The following USH2A variants were observed in gnomAD, a reference collection of about 807,000 sequenced individuals.
The protein encoded by USH2A is Usher syndrome 2A (autosomal recessive, mild).
USH2A carries 443 observed loss-of-function variants against 538.9 expected under a neutral mutation model. The ratio of observed to expected loss-of-function variants is 0.82; its 90% CI spans 0.76 to 0.89. USH2A has a LOEUF of 0.89. Among genes scored for constraint, USH2A ranks in the 40% least tolerant of loss-of-function variants. The probability of loss-of-function intolerance (pLI) is 0.00; values close to 1 mark genes in which losing one functional copy is unlikely to be tolerated. For synonymous variants in USH2A, 2,413 were observed against 2,273.5 expected (o/e 1.06, Z -1.75); for missense variants, 6,633 against 6,324.8 (o/e 1.05, Z -1.65).
In USH2A at chr1:216,324,291, T is replaced by C. The variant is rs768097637; in HGVS notation, c.1205A>G (p.Lys402Arg). The C allele has an allele frequency of 2.3e-5, 37 of 1,613,054 alleles. No individual in the cohort carries two copies. The highest frequency in any genetic ancestry group is 2.5e-6 in the Non-Finnish European group (3 of 1,179,558). The change falls in exon 7 of 72, where the codon AAG becomes AGG. Residue 402 changes from lysine (K) to arginine (R), a missense_variant. Lys to Arg is a conservative substitution (Grantham distance 26). Transcript: ENST00000307340. ...CTCCCAATCTAAACTATTTTCCTTC[T>C]TCCTTTGAATCCTTATTTCCGTTGG... Reference protein sequence around the residue: ...PQPTEIRIQRKKENSLDWEDW... With the variant: ...PQPTEIRIQRRKENSLDWEDW...
At chr1:216,090,430 G>GT (rs2032269203) in intron 22 of USH2A, among the ~76,000 whole-genome samples, 1 of 111,278 alleles carries the variant, frequency 9.0e-6, no homozygotes, top group African/African-American at 3.6e-5. Flanking sequence ...TGTTACCAAA[G>GT]TAAAAAAAAA....
chr1:215,635,541 T>TTATG (rs1414987567), intron 69 of USH2A, among the ~76,000 whole-genome samples: 1 of 149,100 alleles, frequency 6.7e-6, no homozygotes, highest in African/African-American at 2.5e-5. Flanking sequence ...TTTTATTTAT[T>TTATG]TATTTATTTA....
chr1:215,957,005 C>T (rs1452754453), intron 37 of USH2A, among the ~76,000 whole-genome samples: 1 of 152,054 alleles, frequency 6.6e-6, no homozygotes, highest in Non-Finnish European at 1.5e-5. Context: ...ACAATATGGC[C>T]ATAATTTGTA....
intron 50 of USH2A, 74 bp downstream of exon 50, chr1:215,798,833 T>G: frequency 6.4e-7 from 1 of 1,564,210 alleles, no homozygotes; most frequent in South Asian, 1.1e-5. Flanking sequence ...TTTGTTTTAT[T>G]TCTAGGGCAA....
At chr1:215,973,656 C>CTTTTTTTTTTTTTTTT (rs750306238) in intron 35 of USH2A, among the ~76,000 whole-genome samples, 14 of 130,956 alleles carry the variant, frequency 1.1e-4, no homozygotes, top group African/African-American at 1.7e-4. Flanking sequence ...TCTTCTTCTT[C>CTTTTTTTTTTTTTTTT]TTTTTTTTTT....
chr1:216,259,788 A>G (rs2036332888), intron 11 of USH2A, among the ~76,000 whole-genome samples: 1 of 152,120 alleles, frequency 6.6e-6, no homozygotes. Context: ...AAGCACATGT[A>G]TTTTCCTCTT....
rs76181218 is a variant in USH2A at position 216,043,996 on chromosome 1, A to G, written c.6325+2435T>C. Among the ~76,000 whole-genome samples the G allele has an allele frequency of 2.8e-3, 405 of 146,362 alleles. 2 individuals are homozygous for G. Among genetic ancestry groups the G allele is most frequent in the Non-Finnish European group, 4.2e-3 (278 of 66,466 alleles). Reference sequence around the variant, plus strand: ...TTGCTATCTTCTTGTTTTTATTCCCAGGAATCATCTGACTTCATTCTTTCA... The same window carrying G: ...TTGCTATCTTCTTGTTTTTATTCCCGGGAATCATCTGACTTCATTCTTTCA... On this transcript the variant is annotated intron_variant, in intron 32 of 71. Coordinates refer to ENST00000307340, the MANE Select transcript of USH2A (RefSeq NM_206933.4).
At chr1:215,959,879 G>T (rs1208136146) in intron 37 of USH2A, among the ~76,000 whole-genome samples, 1 of 152,066 alleles carries the variant, frequency 6.6e-6, no homozygotes, top group Admixed American at 6.6e-5. Flanking sequence ...AATCTGTCAG[G>T]ATATCAAGCA....
At chr1:215,794,162 C>T (rs571916700) in intron 50 of USH2A, among the ~76,000 whole-genome samples, 1 of 152,250 alleles carries the variant, frequency 6.6e-6, no homozygotes, top group African/African-American at 2.4e-5. Flanking sequence ...AAACGCCACC[C>T]CAGCACTTCT....
At chr1:215,790,545 C>G (rs1178598150) in intron 50 of USH2A, among the ~76,000 whole-genome samples, 1 of 152,142 alleles carries the variant, frequency 6.6e-6, no homozygotes, top group Non-Finnish European at 1.5e-5. Context: ...TCTCATGCTC[C>G]ATAAAAAGAG....
intron 37 of USH2A, among the ~76,000 whole-genome samples, chr1:215,961,408 AATG>A (rs546541542): frequency 6.6e-5 from 10 of 151,886 alleles, no homozygotes; most frequent in African/African-American, 2.4e-4. Flanking sequence ...TAGAAAGTAT[AATG>A]ATATCATTGA....
At chr1:216,075,729 C>T (rs1197335166) in intron 27 of USH2A, among the ~76,000 whole-genome samples, 5 of 152,094 alleles carry the variant, frequency 3.3e-5, no homozygotes, top group Non-Finnish European at 7.4e-5. Context: ...ATTGATCATT[C>T]TAAGAAGATA....
At chr1:215,679,811 G>C (rs1387972252) in intron 62 of USH2A, among the ~76,000 whole-genome samples, 1 of 152,184 alleles carries the variant, frequency 6.6e-6, no homozygotes, top group Admixed American at 6.5e-5. Flanking sequence ...GTGAGTTCCT[G>C]GCTTCAAATC....
At chr1:215,835,563 AG>A (rs1397589603) in intron 47 of USH2A, among the ~76,000 whole-genome samples, 2 of 152,090 alleles carry the variant, frequency 1.3e-5, no homozygotes, top group African/African-American at 4.8e-5. Flanking sequence ...TGTCATGTGG[AG>A]GAAGAGAAAT....
At chr1:216,005,890 A>T (rs1009540279) in intron 32 of USH2A, among the ~76,000 whole-genome samples, 3 of 152,098 alleles carry the variant, frequency 2.0e-5, no homozygotes, top group African/African-American at 4.8e-5. Flanking sequence ...TATTTTTCAA[A>T]TTTTTTGTGA....
chr1:216,311,861 T>A (rs1037216994), intron 9 of USH2A, among the ~76,000 whole-genome samples: 3 of 152,194 alleles, frequency 2.0e-5, no homozygotes, highest in African/African-American at 7.2e-5. Flanking sequence ...ATTGTTGCTA[T>A]CATTCATTTC....
intron 35 of USH2A, among the ~76,000 whole-genome samples, chr1:215,979,624 G>A (rs80153294): frequency 1.1e-4 from 17 of 152,220 alleles, no homozygotes; most frequent in African/African-American, 4.1e-4. Context: ...CGTGAATGAG[G>A]CAGGGATGTG....
At position 216,383,309 on chromosome 1, in the gene USH2A, C is replaced by A. The variant is rs547437251; in HGVS notation, c.652-18224G>T. ...AAAGATTCAGAAGGTACATCACTGG[C>A]CATGTTCCTTTTCAGAATAGAAATA... On this transcript the variant is annotated intron_variant, in intron 3 of 71. Transcript: ENST00000307340. Among the ~76,000 whole-genome samples the A allele has an allele frequency of 2.0e-5, 3 of 152,200 alleles. No individual in the cohort carries two copies. The East Asian group carries it at 5.8e-4, about 29-fold the overall frequency.
rs148931809 is a variant in USH2A at position 215,668,906 on chromosome 1, A to G, written c.14133+2066T>C. ...AAACATTAGCCTGGTGTGGTGGTGCATGCCTGTAATCTCAGCTACACTGGA... is the reference window on the plus strand; with the variant it reads ...AAACATTAGCCTGGTGTGGTGGTGCGTGCCTGTAATCTCAGCTACACTGGA... On this transcript the variant is annotated intron_variant, in intron 64 of 71. Transcript: ENST00000307340. 2.8e-3 allele frequency among the ~76,000 whole-genome samples: 420 copies of G among 152,264 alleles called. 1 individual carries two copies. The highest frequency in any genetic ancestry group is 9.8e-3 in the African/African-American group (406 of 41,558).
Sources: gnomAD v4.1 joint callset for allele counts (sites outside exome capture counted in the v4.1 genomes callset) on GRCh38, gnomAD v4.1.1 for gene constraint, MANE v1.5 for transcripts, NCBI Gene and HGNC (gene_info 2026-07-23, HGNC 2026-07-21) for gene names.